Variants in SPATA13 observed in about 807,000 individuals in gnomAD.
SPATA13 encodes spermatogenesis associated 13.
Under a neutral mutation model 104.0 loss-of-function variants are expected in SPATA13, and 50 were observed. The observed-to-expected ratio is 0.48, with a 90% CI of 0.38 to 0.61. SPATA13 has a LOEUF of 0.61. Ranked by LOEUF, SPATA13 falls within the 20% of genes least tolerant of loss-of-function variation. The pLI, the probability that SPATA13 is intolerant of heterozygous loss-of-function variation, is 0.00. For synonymous variants in SPATA13, 606 were observed against 667.5 expected, an observed-to-expected ratio of 0.91 and a Z score of 1.42; for missense variants, 1,524 against 1,690.6, an observed-to-expected ratio of 0.90 and a Z score of 1.73.
intron 3 of SPATA13, among the ~76,000 whole-genome samples, chr13:24,250,697 A>G (rs192391902): frequency 2.6e-4 from 40 of 152,358 alleles, no homozygotes; most frequent in African/African-American, 3.6e-4. Flanking sequence ...CAAGCACTCA[A>G]AAACTCTTGC....
At chr13:24,198,220 C>G (rs1241611715) in intron 1 of SPATA13, among the ~76,000 whole-genome samples, 1 of 152,056 alleles carries the variant, frequency 6.6e-6, no homozygotes, top group Non-Finnish European at 1.5e-5. Context: ...GTCTTGAACT[C>G]CTGACCTTGT....
chr13:24,186,625 C>T (rs1387893069), intron 1 of SPATA13, among the ~76,000 whole-genome samples: 10 of 152,192 alleles, frequency 6.6e-5, no homozygotes, highest in Admixed American at 6.5e-4. Flanking sequence ...GAAGTTAGTT[C>T]CCTTTCAGAG....
upstream of SPATA13, chr13:24,160,624 T>G (rs1324672111): frequency 1.1e-4 from 71 of 661,128 alleles, no homozygotes; most frequent in Middle Eastern, 7.3e-4. Flanking sequence ...CCTGAGGGAG[T>G]GAGCTAACCG....
In SPATA13 at chr13:24,009,820, A is replaced by T. The variant is rs188409904; in HGVS notation, c.-146-7847A>T. Among the ~76,000 whole-genome samples the T allele has an allele frequency of 7.9e-4, 121 of 152,266 alleles. 1 individual carries two copies. Among genetic ancestry groups the T allele is most frequent in the Middle Eastern group, 3.4e-3 (1 of 294 alleles). ...CTCTGGTCGGCTTTTTTTGAATTCC[A>T]AAAAGGAGGAGGGTATAATGAGGCA... is the stretch of plus-strand genomic sequence containing the variant. On this transcript the variant is annotated intron_variant, in intron 2 of 14. Transcript: ENST00000424834.
chr13:24,104,247 T>TG (rs990456178), intron 3 of SPATA13, among the ~76,000 whole-genome samples: 3 of 151,996 alleles, frequency 2.0e-5, no homozygotes, highest in African/African-American at 7.3e-5. Context: ...GGGTTTTTTT[T>TG]TTTTGTTTTT....
upstream of SPATA13, among the ~76,000 whole-genome samples, chr13:24,156,697 T>C (rs1385049540): frequency 3.3e-5 from 5 of 152,214 alleles, no homozygotes; most frequent in African/African-American, 1.2e-4. Context: ...CCACCAGTTA[T>C]TGAGCATTTG....
chr13:24,045,653 G>A (rs1878117310), intron 3 of SPATA13, among the ~76,000 whole-genome samples: 1 of 152,234 alleles, frequency 6.6e-6, no homozygotes, highest in African/African-American at 2.4e-5. Flanking sequence ...AAGTCGAGAA[G>A]TTCAACGGAA....
chr13:24,300,190 G>A (rs973129870), intron 11 of SPATA13, among the ~76,000 whole-genome samples: 2 of 152,112 alleles, frequency 1.3e-5, no homozygotes, highest in African/African-American at 4.8e-5. Context: ...AAACTGTCCG[G>A]GTTTGCAGGA....
At chr13:24,149,613 C>T (rs1460232552) in intron 3 of SPATA13, among the ~76,000 whole-genome samples, 1 of 152,196 alleles carries the variant, frequency 6.6e-6, no homozygotes, top group Non-Finnish European at 1.5e-5. Context: ...GATCTTCTGT[C>T]ACTGTGGTGT....
chr13:24,245,746 C>T (rs150979133), intron 2 of SPATA13, among the ~76,000 whole-genome samples: 45 of 151,684 alleles, frequency 3.0e-4, no homozygotes, highest in African/African-American at 9.4e-4. Context: ...CACATAAAAC[C>T]GTGCCCTGCT....
At chr13:24,208,810 T>C (rs1446256961) in intron 1 of SPATA13, among the ~76,000 whole-genome samples, 1 of 152,200 alleles carries the variant, frequency 6.6e-6, no homozygotes, top group South Asian at 2.1e-4. Context: ...AAGTTTCAGC[T>C]TCTTCAGAAA....
chr13:24,182,962 A>T (rs1031675241), intron 1 of SPATA13, among the ~76,000 whole-genome samples: 6 of 152,118 alleles, frequency 3.9e-5, no homozygotes, highest in African/African-American at 1.2e-4. Context: ...GGCTTAGTGC[A>T]TTCAGGGGCA....
In SPATA13 at chr13:24,006,645, C is replaced by T. The variant is rs532514257; in HGVS notation, c.-146-11022C>T. Among the ~76,000 whole-genome samples, 5 of 152,278 alleles carry T rather than the reference C, an allele frequency of 3.3e-5. No individual in the cohort carries two copies. In the South Asian group the frequency reaches 1.0e-3, roughly 32 times the overall value. On this transcript the variant is annotated intron_variant, in intron 2 of 14. Transcript: ENST00000424834. ...GGGAGGTGCCGGCTGATTTGGTCAC[C>T]ACAGTTGTCTTAGGGGCCTGCACGG...
intron 3 of SPATA13, among the ~76,000 whole-genome samples, chr13:24,093,828 C>T (rs1193212004): frequency 6.6e-6 from 1 of 152,032 alleles, no homozygotes; most frequent in Non-Finnish European, 1.5e-5. Context: ...TGTGTCAAAG[C>T]CTGGGTCATG....
chr13:24,240,771 A>G (rs983146493), intron 2 of SPATA13, among the ~76,000 whole-genome samples: 6 of 152,222 alleles, frequency 3.9e-5, no homozygotes, highest in Admixed American at 2.0e-4. Context: ...AAAACAGGTT[A>G]CATACAAGGC....
intron 3 of SPATA13, among the ~76,000 whole-genome samples, chr13:24,072,166 G>T (rs1219689324): frequency 6.6e-6 from 1 of 152,194 alleles, no homozygotes; most frequent in South Asian, 2.1e-4. Flanking sequence ...TGTGTTCTTA[G>T]AATGTAAAAT....
chr13:24,292,696 AC>A (rs1480917415), intron 9 of SPATA13, among the ~76,000 whole-genome samples: 8 of 152,164 alleles, frequency 5.3e-5, no homozygotes, highest in Admixed American at 5.2e-4. Context: ...GGAGAGACAG[AC>A]TTAAAAAAGG....
chr13:24,250,029 T>C (rs1252492391), intron 3 of SPATA13, among the ~76,000 whole-genome samples, 187 bp downstream of exon 3: 1 of 152,232 alleles, frequency 6.6e-6, no homozygotes, highest in African/African-American at 2.4e-5. Flanking sequence ...ACCTGACGTT[T>C]GGATGCCTTT....
intron 2 of SPATA13, among the ~76,000 whole-genome samples, chr13:24,248,262 G>T (rs1873274720): frequency 6.6e-6 from 1 of 152,196 alleles, no homozygotes; most frequent in Admixed American, 6.5e-5. Context: ...AAGAACTCCT[G>T]CCATAAGAGC....
Sources: gnomAD v4.1 joint callset for allele counts (sites outside exome capture counted in the v4.1 genomes callset) on GRCh38, gnomAD v4.1.1 for gene constraint, MANE v1.5 for transcripts, NCBI Gene and HGNC (gene_info 2026-07-23, HGNC 2026-07-21) for gene names.